The following ZNF365 variants were observed in gnomAD, a reference collection of about 807,000 sequenced individuals.
The protein encoded by ZNF365 is zinc finger protein 365, also known as protein ZNF365.
A neutral mutation model predicts 35.0 loss-of-function variants in ZNF365; 22 were observed. That is an observed-to-expected ratio of 0.63 (90% confidence interval 0.45 to 0.90). The LOEUF (loss-of-function observed/expected upper bound fraction) is 0.90, where lower values mean the gene tolerates loss of function less well. Among genes scored for constraint, ZNF365 ranks in the 40% least tolerant of loss-of-function variants. The probability of loss-of-function intolerance (pLI) is 0.00; values close to 1 mark genes in which losing one functional copy is unlikely to be tolerated. For synonymous variants in ZNF365, 188 were observed against 196.2 expected, an observed-to-expected ratio of 0.96 and a Z score of 0.35; for missense variants, 448 against 500.3, an observed-to-expected ratio of 0.90 and a Z score of 1.00.
In ZNF365 at chr10:62,398,036, C is replaced by T. The variant is rs530776127; in HGVS notation, c.925-704C>T. On this transcript the variant is annotated intron_variant, in intron 3 of 4. Transcript: ENST00000395254. Reference sequence around the variant, plus strand: ...CCAATATGTTGTCTTTTATCCGTCACCCCACTCCTTGAATAACTAAAAGTA... The same window carrying T: ...CCAATATGTTGTCTTTTATCCGTCATCCCACTCCTTGAATAACTAAAAGTA... Among the ~76,000 whole-genome samples the T allele has an allele frequency of 1.4e-4, 22 of 152,258 alleles. No homozygotes were observed. The South Asian group carries it at 3.1e-3, about 22-fold the overall frequency.
At chr10:62,479,797 C>G in intron 4 of ZNF365, 1 of 1,024,988 alleles carries the variant, frequency 9.8e-7, no homozygotes, top group Non-Finnish European at 1.5e-6. Context: ...GTTGAAACCA[C>G]TTCTTTTTTT....
chr10:62,467,133 G>T (rs1417178490), intron 4 of ZNF365, among the ~76,000 whole-genome samples: 1 of 152,220 alleles, frequency 6.6e-6, no homozygotes, highest in East Asian at 1.9e-4. Context: ...CATAGGCAAG[G>T]CAACTGGAAT....
chr10:62,456,634 T>C (rs1442936394), intron 3 of ZNF365, among the ~76,000 whole-genome samples: 1 of 152,188 alleles, frequency 6.6e-6, no homozygotes, highest in East Asian at 1.9e-4. Flanking sequence ...AATTGAGAGC[T>C]CAATGTGAGC....
intron 3 of ZNF365, among the ~76,000 whole-genome samples, chr10:62,445,422 T>A (rs1277745501): frequency 6.6e-6 from 1 of 151,876 alleles, no homozygotes; most frequent in Non-Finnish European, 1.5e-5. Flanking sequence ...TTTCTCCACA[T>A]CCTCTCCAGC....
intron 4 of ZNF365, among the ~76,000 whole-genome samples, chr10:62,475,482 T>C (rs1289308728): frequency 2.0e-5 from 3 of 152,226 alleles, no homozygotes; most frequent in African/African-American, 7.2e-5. Context: ...TGTATAATTG[T>C]GACTGTTCAC....
intron 3 of ZNF365, among the ~76,000 whole-genome samples, chr10:62,430,000 A>G (rs1398793348): frequency 1.3e-5 from 2 of 152,244 alleles, no homozygotes; most frequent in Admixed American, 6.5e-5. Context: ...GTTTATATGA[A>G]TCTTGTCATT....
rs575567084 is a variant in ZNF365, at chr10:62,479,776, C to A, written c.982-100C>A. Reference sequence around the variant, plus strand: ...AAGAGTTGCCAGTACAATTGTTTGCCAGGACCCATGGTTGAAACCACTTCT... The same window carrying A: ...AAGAGTTGCCAGTACAATTGTTTGCAAGGACCCATGGTTGAAACCACTTCT... On this transcript the variant is annotated intron_variant, in intron 4 of 4. Coordinates refer to the ZNF365 transcript ENST00000395255. 997 of 821,146 alleles carry A rather than the reference C, an allele frequency of 1.2e-3. 2 individuals are homozygous for A. The highest frequency in any genetic ancestry group is 1.8e-3 in the Non-Finnish European group (848 of 474,148). The allele number at this position is 821,146 out of a possible 1,614,324, so 50.9% of individuals were successfully genotyped here. A position where few individuals can be genotyped will look rare whatever the true frequency, so the allele number is the denominator to read the frequency against.
At chr10:62,437,116 T>C (rs903112155) in intron 3 of ZNF365, among the ~76,000 whole-genome samples, 2 of 152,186 alleles carry the variant, frequency 1.3e-5, no homozygotes, top group Non-Finnish European at 1.5e-5. Flanking sequence ...TTTTGGATGG[T>C]TTATTTTAAA....
chr10:62,465,157 C>T (rs1185925222), intron 4 of ZNF365, among the ~76,000 whole-genome samples: 2 of 152,248 alleles, frequency 1.3e-5, no homozygotes, highest in African/African-American at 4.8e-5. Flanking sequence ...CCGGAGCCCA[C>T]TTCAGTGCAG....
At chr10:62,378,704 C>T (rs1350583207) in intron 2 of ZNF365, among the ~76,000 whole-genome samples, 1 of 152,180 alleles carries the variant, frequency 6.6e-6, no homozygotes, top group Non-Finnish European at 1.5e-5. Context: ...TGCCTGCAAT[C>T]GTACACACAC....
Position 62,430,638 on chromosome 10 carries a change from A to G in ZNF365, c.925-29103A>G, listed in dbSNP as rs919474415. On this transcript the variant is annotated intron_variant, in intron 3 of 4. Coordinates refer to the ZNF365 transcript ENST00000395255. ...AACTCCAACCCTGGAGAAAACAGGA[A>G]ATGGTATTTTGGTGACAACTTTTGT... 4.6e-5 allele frequency among the ~76,000 whole-genome samples: 7 copies of G among 152,326 alleles called. 1 individual carries two copies. The highest frequency in any genetic ancestry group is 4.6e-4 in the Admixed American group (7 of 15,302).
At chr10:62,458,058 G>A (rs1424945908) in intron 3 of ZNF365, among the ~76,000 whole-genome samples, 1 of 152,188 alleles carries the variant, frequency 6.6e-6, no homozygotes, top group East Asian at 1.9e-4. Context: ...CCCTCTTGCT[G>A]CTCCATCTGT....
At chr10:62,410,229 T>C (rs1347228921) in intron 3 of ZNF365, among the ~76,000 whole-genome samples, 1 of 152,146 alleles carries the variant, frequency 6.6e-6, no homozygotes, top group African/African-American at 2.4e-5. Flanking sequence ...AACCAATAAA[T>C]TGGTTCTGGA....
intron 3 of ZNF365, among the ~76,000 whole-genome samples, chr10:62,427,030 G>T (rs551659343): frequency 6.6e-6 from 1 of 152,308 alleles, no homozygotes; most frequent in African/African-American, 2.4e-5. Flanking sequence ...GGTCCCATAA[G>T]GTTATAATGG....
chr10:62,409,109 C>T (rs1408079614), intron 3 of ZNF365, among the ~76,000 whole-genome samples: 1 of 152,150 alleles, frequency 6.6e-6, no homozygotes, highest in Non-Finnish European at 1.5e-5. Context: ...TTTCCTGAAA[C>T]TGTGACTTAG....
chr10:62,415,930 T>C (rs562802906), intron 3 of ZNF365, among the ~76,000 whole-genome samples: 2 of 152,194 alleles, frequency 1.3e-5, no homozygotes, highest in Non-Finnish European at 2.9e-5. Context: ...TTGTCCTCTT[T>C]GGTTCAACAG....
At chr10:62,443,924 C>T (rs943610942) in intron 3 of ZNF365, among the ~76,000 whole-genome samples, 2 of 152,198 alleles carry the variant, frequency 1.3e-5, no homozygotes, top group South Asian at 2.1e-4. Context: ...CAGTCTTGAA[C>T]TTTTGCCCCC....
At chr10:62,467,520 A>G (rs150766803) in intron 4 of ZNF365, among the ~76,000 whole-genome samples, 82 of 152,334 alleles carry the variant, frequency 5.4e-4, no homozygotes, top group African/African-American at 1.9e-3. Context: ...TTTTTGGCAG[A>G]CACGTATTCA....
At chr10:62,389,007 G>A (rs1299532742) in intron 3 of ZNF365, among the ~76,000 whole-genome samples, 1 of 149,408 alleles carries the variant, frequency 6.7e-6, no homozygotes, top group South Asian at 2.1e-4. Context: ...TTTCCTTAAT[G>A]GGGGGCAAGC....
Sources: gnomAD v4.1 joint callset for allele counts (sites outside exome capture counted in the v4.1 genomes callset) on GRCh38, gnomAD v4.1.1 for gene constraint, MANE v1.5 for transcripts, NCBI Gene and HGNC (gene_info 2026-07-23, HGNC 2026-07-21) for gene names.